SLC35D4: variants seen among roughly 807,000 people sequenced by gnomAD.
The protein encoded by SLC35D4 is UDP-N-acetylglucosamine transporter SLC35D4.
At chr18:23,316,813 A>G in the SLC35D4 span, among the ~76,000 whole-genome samples, 4 of 152,204 alleles carry the variant, frequency 2.6e-5, no homozygotes, top group Non-Finnish European at 5.9e-5. Flanking sequence ...CATGAAAGAT[A>G]AGGGAAGAAA....
At chr18:23,305,164 C>T in the SLC35D4 span, among the ~76,000 whole-genome samples, 79,103 of 152,074 alleles carry the variant, frequency 0.52, 20,870 homozygotes, top group South Asian at 0.61. Context: ...AAAATGTCTA[C>T]TGGACATTCT....
At chr18:23,306,199 CA>C in the SLC35D4 span, among the ~76,000 whole-genome samples, 1 of 150,926 alleles carries the variant, frequency 6.6e-6, no homozygotes, top group Admixed American at 6.6e-5. Flanking sequence ...GACAACTCAG[CA>C]GGTCCAACTT....
chr18:23,361,330 T>TAGCAAGTGTAATA, the SLC35D4 span, among the ~76,000 whole-genome samples: 41 of 151,920 alleles, frequency 2.7e-4, no homozygotes, highest in African/African-American at 9.7e-4. Flanking sequence ...ACGTTCTAGA[T>TAGCAAGTGTAATA]AGCAAGTGTA....
At chr18:23,276,655 G>T in the SLC35D4 span, among the ~76,000 whole-genome samples, 1 of 152,152 alleles carries the variant, frequency 6.6e-6, no homozygotes, top group Non-Finnish European at 1.5e-5. Flanking sequence ...TTGGAATCTA[G>T]GACTTAATTA....
chr18:23,330,018 G>A, the SLC35D4 span, among the ~76,000 whole-genome samples: 2 of 152,162 alleles, frequency 1.3e-5, no homozygotes, highest in African/African-American at 2.4e-5. Context: ...TGGACACAGG[G>A]TGGGGAACAC....
At chr18:23,276,212 C>T in the SLC35D4 span, among the ~76,000 whole-genome samples, 3 of 151,896 alleles carry the variant, frequency 2.0e-5, no homozygotes, top group Admixed American at 6.6e-5. Context: ...CTCAGCCTCC[C>T]GAGTAGCTGG....
chr18:23,383,305 C>T, the SLC35D4 span, among the ~76,000 whole-genome samples: 3 of 151,510 alleles, frequency 2.0e-5, no homozygotes, highest in Admixed American at 6.6e-5. Context: ...CCCAGGGAAA[C>T]CCTGAAGAGG....
chr18:23,357,518 G>A, the SLC35D4 span, among the ~76,000 whole-genome samples: 4 of 152,184 alleles, frequency 2.6e-5, no homozygotes, highest in Non-Finnish European at 2.9e-5. Context: ...GAACCCCTTG[G>A]AGAGCCTGGT....
At chr18:23,269,295 G>A in the SLC35D4 span, among the ~76,000 whole-genome samples, 3 of 152,178 alleles carry the variant, frequency 2.0e-5, no homozygotes, top group Non-Finnish European at 4.4e-5. Flanking sequence ...AGATCTGATG[G>A]TTTTATAAGG....
chr18:23,431,476 G>GTT, the SLC35D4 span, among the ~76,000 whole-genome samples: 2 of 152,086 alleles, frequency 1.3e-5, no homozygotes, highest in African/African-American at 4.8e-5. Context: ...TCCTTTCTTT[G>GTT]TTTCTCTTCA....
chr18:23,300,296 G>A, the SLC35D4 span, among the ~76,000 whole-genome samples: 1 of 152,168 alleles, frequency 6.6e-6, no homozygotes. Flanking sequence ...ACCCTGCCAA[G>A]TTCCCAGGCA....
At chr18:23,389,568 C>T in the SLC35D4 span, among the ~76,000 whole-genome samples, 10 of 151,102 alleles carry the variant, frequency 6.6e-5, no homozygotes, top group East Asian at 3.9e-4. Context: ...TTTTTTGAGA[C>T]GGAGTCTCAC....
the SLC35D4 span, among the ~76,000 whole-genome samples, chr18:23,276,045 A>C: frequency 6.6e-6 from 1 of 152,064 alleles, no homozygotes. Context: ...CACTGTGAAC[A>C]TATTTCATAC....
chr18:23,242,619 A>G, the SLC35D4 span, among the ~76,000 whole-genome samples: 1 of 152,222 alleles, frequency 6.6e-6, no homozygotes, highest in Admixed American at 6.5e-5. Flanking sequence ...TAATGCCAAC[A>G]AAATTCAGTT....
the SLC35D4 span, among the ~76,000 whole-genome samples, chr18:23,379,413 C>T: frequency 6.6e-6 from 1 of 152,282 alleles, no homozygotes; most frequent in Admixed American, 6.5e-5. Context: ...CTTGAACCAC[C>T]ATGCCCAGCA....
chr18:23,268,550 T>C, the SLC35D4 span, among the ~76,000 whole-genome samples: 1,419 of 151,830 alleles, frequency 9.3e-3, 23 homozygotes, highest in African/African-American at 0.033. Flanking sequence ...GGTTCGAGAG[T>C]CACAGCCATC....
the SLC35D4 span, among the ~76,000 whole-genome samples, chr18:23,255,494 C>G: frequency 6.6e-6 from 1 of 151,854 alleles, no homozygotes; most frequent in South Asian, 2.1e-4. Flanking sequence ...CCAGAAGTGA[C>G]CATTGGACAC....
At chr18:23,410,587 C>G in the SLC35D4 span, among the ~76,000 whole-genome samples, 1 of 151,992 alleles carries the variant, frequency 6.6e-6, no homozygotes, top group Non-Finnish European at 1.5e-5. Flanking sequence ...GGCAGATCAC[C>G]TGAGGTCAGG....
At chr18:23,288,475 G>A in the SLC35D4 span, among the ~76,000 whole-genome samples, 3,721 of 151,994 alleles carry the variant, frequency 0.024, 50 homozygotes, top group Middle Eastern at 0.055. Context: ...GCCCAGGACT[G>A]GCAAATTTGC....
Sources: allele counts gnomAD v4.1 joint callset (sites outside exome capture counted in the v4.1 genomes callset), GRCh38; gene constraint gnomAD v4.1.1; transcripts MANE v1.5; gene names NCBI Gene and HGNC (gene_info 2026-07-23, HGNC 2026-07-21).